TENM1: variants seen among roughly 807,000 people sequenced by gnomAD.
TENM1 encodes teneurin-1.
Under a neutral mutation model 174.8 loss-of-function variants are expected in TENM1, and 35 were observed. The observed-to-expected ratio is 0.20, with a 90% CI of 0.15 to 0.27. TENM1 has a LOEUF of 0.27. Among genes scored for constraint, TENM1 ranks in the 10% least tolerant of loss-of-function variants. TENM1 has a pLI of 1.00. For missense variants in TENM1, 1,633 were observed against 2,130.1 expected (o/e 0.77, Z 4.59); for synonymous variants, 781 against 798.7 (o/e 0.98, Z 0.37).
chrX:124,402,596 A>G lies in TENM1; in HGVS notation c.5391+2435T>C, dbSNP rs73546624. 1.2e-3 allele frequency among the ~76,000 whole-genome samples: 135 copies of G among 112,366 alleles called. 1 individual carries two copies. The highest frequency in any genetic ancestry group is 4.1e-3 in the African/African-American group (128 of 30,948). ...TAGTTTCTCTCCATTATCTGTGCAT[A>G]TGGAGGACAGAAAACAGGATGGGTT... On this transcript the variant is annotated intron_variant, in intron 27 of 31. Coordinates refer to ENST00000422452, the Ensembl canonical transcript of TENM1.
chrX:124,901,308 A>AT (rs199579967), intron 1 of TENM1, among the ~76,000 whole-genome samples: 3,587 of 110,097 alleles, frequency 0.033, 142 homozygotes, highest in African/African-American at 0.11. Context: ...CAAATTAATA[A>AT]TTTTTTTTTA....
intron 4 of TENM1, among the ~76,000 whole-genome samples, chrX:124,709,709 T>A (rs2052998407): frequency 9.0e-6 from 1 of 110,890 alleles, no homozygotes; most frequent in African/African-American, 3.3e-5. Flanking sequence ...ACAACCACAG[T>A]CTTCACCAGA....
At chrX:124,916,334 G>C (rs370079093) in intron 1 of TENM1, among the ~76,000 whole-genome samples, 1 of 110,719 alleles carries the variant, frequency 9.0e-6, no homozygotes, top group Admixed American at 9.6e-5. Flanking sequence ...TTGAGATCTG[G>C]TCTTGTCCTG....
chrX:124,834,100 C>T (rs2056344177), intron 3 of TENM1, among the ~76,000 whole-genome samples: 1 of 111,467 alleles, frequency 9.0e-6, no homozygotes, highest in South Asian at 3.8e-4. Context: ...CTGCCTCAAC[C>T]AATATATTCG....
chrX:124,511,946 G>T (rs1322393066), intron 18 of TENM1, among the ~76,000 whole-genome samples: 1 of 111,528 alleles, frequency 9.0e-6, no homozygotes. Context: ...ACCATTCTTC[G>T]TTGCCAAACT....
At chrX:125,139,953 T>C in the TENM1 span, among the ~76,000 whole-genome samples, 1 of 110,233 alleles carries the variant, frequency 9.1e-6, no homozygotes, top group Non-Finnish European at 1.9e-5. Context: ...GACTGCACTA[T>C]CCTTTGATGA....
chrX:124,780,499 T>C (rs1345897637), intron 3 of TENM1, among the ~76,000 whole-genome samples: 1 of 111,608 alleles, frequency 9.0e-6, no homozygotes, highest in Non-Finnish European at 1.9e-5. Flanking sequence ...ATGGCTTATA[T>C]CAGTGATGGT....
chrX:124,650,686 T>C (rs1472337583), intron 8 of TENM1, among the ~76,000 whole-genome samples: 1 of 111,902 alleles, frequency 8.9e-6, no homozygotes, highest in East Asian at 2.8e-4. Flanking sequence ...ATAATTAATA[T>C]TAAGCCTCCA....
intron 3 of TENM1, among the ~76,000 whole-genome samples, chrX:124,779,641 G>A (rs2054862477): frequency 9.0e-6 from 1 of 111,596 alleles, no homozygotes; most frequent in Admixed American, 9.5e-5. Flanking sequence ...AATGGGAAAA[G>A]TTTTAAAACT....
chrX:125,004,931 A>G, the TENM1 span, among the ~76,000 whole-genome samples: 1 of 111,219 alleles, frequency 9.0e-6, no homozygotes, highest in Admixed American at 9.7e-5. Context: ...TTAATAATCA[A>G]ATATTGAAAC....
In TENM1 at chrX:124,391,903, G is replaced by A. The variant is rs1373031744; in HGVS notation, c.5688+149C>T. 1.2e-5 allele frequency: 6 copies of A among 495,941 alleles called. No homozygotes were observed. The Admixed American group carries it at 2.4e-4, about 20-fold the overall frequency. 40.9% of individuals were successfully genotyped at this position (495,941 alleles called of 1,213,427 possible). A position where few individuals can be genotyped will look rare whatever the true frequency, so the allele number is the denominator to read the frequency against. On this transcript the variant is annotated intron_variant, in intron 28 of 31. Transcript: ENST00000422452. ...GCTGAAAAACAGTTTATCCTTATAA[G>A]TTCAACATCTTTTTGTTACTTCTAC...
chrX:124,440,847 C>T (rs985093572), intron 23 of TENM1, among the ~76,000 whole-genome samples: 10 of 111,406 alleles, frequency 9.0e-5, no homozygotes, highest in African/African-American at 2.9e-4. Context: ...CTCTTCCTGC[C>T]ATCTCATGCT....
chrX:124,940,074 G>C (rs535589389), intron 1 of TENM1, among the ~76,000 whole-genome samples: 9 of 111,875 alleles, frequency 8.0e-5, no homozygotes, highest in African/African-American at 2.9e-4. Context: ...AATTCTCATT[G>C]AATGATGGAC....
At chrX:125,162,767 C>G in the TENM1 span, among the ~76,000 whole-genome samples, 20 of 111,692 alleles carry the variant, frequency 1.8e-4, no homozygotes, top group African/African-American at 6.2e-4. Flanking sequence ...GATAAGATGA[C>G]TCCCATATCT....
chrX:125,085,647 T>C, the TENM1 span, among the ~76,000 whole-genome samples: 1 of 111,638 alleles, frequency 9.0e-6, no homozygotes, highest in East Asian at 2.8e-4. Context: ...TTATTTTCCA[T>C]GTATATTTCA....
exon 32 of TENM1, chrX:124,377,074 C>T (rs752410164): frequency 2.7e-5 from 3 of 109,735 alleles, no homozygotes; most frequent in Non-Finnish European, 3.8e-5. Context: ...AAAACTTTGC[C>T]CTGACTCTCT....
the TENM1 span, among the ~76,000 whole-genome samples, chrX:125,104,121 A>G: frequency 1.8e-5 from 2 of 112,441 alleles, no homozygotes; most frequent in South Asian, 7.5e-4. Context: ...AGGAAAGAAA[A>G]AGTAGGCTTT....
chrX:125,146,705 A>C, the TENM1 span, among the ~76,000 whole-genome samples: 7 of 111,423 alleles, frequency 6.3e-5, no homozygotes, highest in Admixed American at 9.6e-5. Flanking sequence ...AGGTATAAGA[A>C]AAATTAAAGG....
At chrX:125,011,164 C>G in the TENM1 span, among the ~76,000 whole-genome samples, 1 of 111,666 alleles carries the variant, frequency 9.0e-6, no homozygotes, top group Non-Finnish European at 1.9e-5. Flanking sequence ...CTTCCTTACC[C>G]CTTATACAAA....
Sources: allele counts gnomAD v4.1 joint callset (sites outside exome capture counted in the v4.1 genomes callset), GRCh38; gene constraint gnomAD v4.1.1; transcripts MANE v1.5; gene names NCBI Gene and HGNC (gene_info 2026-07-23, HGNC 2026-07-21).